The following CNTN6 variants were observed in gnomAD, a reference collection of about 807,000 sequenced individuals.
The protein encoded by CNTN6 is contactin-6.
A neutral mutation model predicts 122.8 loss-of-function variants in CNTN6; 137 were observed. The ratio of observed to expected loss-of-function variants is 1.12; its 90% CI spans 0.97 to 1.29. CNTN6 has a LOEUF of 1.29. Ranked by LOEUF, CNTN6 falls within the 50% of genes most tolerant of loss-of-function variation. CNTN6 has a pLI of 0.00. For missense variants in CNTN6, 1,634 were observed against 1,223.4 expected, an observed-to-expected ratio of 1.34 and a Z score of -5.01; for synonymous variants, 570 against 426.0, an observed-to-expected ratio of 1.34 and a Z score of -4.16.
At chr3:1,373,424 A>T (rs189303593) in intron 14 of CNTN6, among the ~76,000 whole-genome samples, 180 bp from the exon 15 acceptor site, 3 of 152,140 alleles carry the variant, frequency 2.0e-5, no homozygotes, top group Non-Finnish European at 1.5e-5. Flanking sequence ...GCACTACTAC[A>T]TTAATGTCAT....
At chr3:1,210,426 A>AAAAAGGAAG (rs56896265) in intron 2 of CNTN6, among the ~76,000 whole-genome samples, 2 of 148,476 alleles carry the variant, frequency 1.3e-5, no homozygotes, top group African/African-American at 5.1e-5. Flanking sequence ...AAAAGGAAAG[A>AAAAAGGAAG]AAAAAAAAAG....
At chr3:1,109,716 G>C (rs2125010329) in intron 1 of CNTN6, among the ~76,000 whole-genome samples, 1 of 152,062 alleles carries the variant, frequency 6.6e-6, no homozygotes, top group Non-Finnish European at 1.5e-5. Flanking sequence ...TTTTACCCAA[G>C]TTGTTGATGA....
chr3:1,254,631 A>G (rs917506743), intron 4 of CNTN6, among the ~76,000 whole-genome samples: 30 of 152,164 alleles, frequency 2.0e-4, no homozygotes, highest in Non-Finnish European at 2.5e-4. Flanking sequence ...AAGCAGTAGG[A>G]GAGGGATCAC....
intron 4 of CNTN6, among the ~76,000 whole-genome samples, chr3:1,266,576 A>ATTTTACATAGG (rs961358960): frequency 2.0e-5 from 3 of 152,106 alleles, no homozygotes; most frequent in Non-Finnish European, 4.4e-5. Flanking sequence ...GGCCTTTTGT[A>ATTTTACATAGG]TTTTACATAG....
At chr3:1,300,819 T>C (rs1277637245) in intron 7 of CNTN6, among the ~76,000 whole-genome samples, 2 of 152,002 alleles carry the variant, frequency 1.3e-5, no homozygotes, top group African/African-American at 4.8e-5. Context: ...CTCTCTCTCT[T>C]TCTTTCTCCA....
intron 11 of CNTN6, among the ~76,000 whole-genome samples, chr3:1,339,921 A>G (rs1391267758): frequency 6.6e-6 from 1 of 152,164 alleles, no homozygotes; most frequent in Non-Finnish European, 1.5e-5. Context: ...TCCTCCCCAT[A>G]TTTAACCATG....
chr3:1,129,288 A>T (rs552006943), intron 1 of CNTN6, among the ~76,000 whole-genome samples: 1 of 152,040 alleles, frequency 6.6e-6, no homozygotes, highest in African/African-American at 2.4e-5. Context: ...AGAGGGCTCC[A>T]CCTTCCCTTT....
intron 7 of CNTN6, among the ~76,000 whole-genome samples, chr3:1,304,383 C>G (rs1405559587): frequency 6.6e-6 from 1 of 152,002 alleles, no homozygotes; most frequent in East Asian, 1.9e-4. Flanking sequence ...GTGACTTAAC[C>G]AATGTAAGTT....
chr3:1,274,677 T>C (rs1402301942), intron 4 of CNTN6, among the ~76,000 whole-genome samples: 2 of 152,178 alleles, frequency 1.3e-5, no homozygotes, highest in African/African-American at 2.4e-5. Flanking sequence ...TAAAATCATC[T>C]ACCTCCAAAA....
rs150525075 is a variant in CNTN6 at position 1,376,719 on chromosome 3, CA to C, written c.2096-285del. ...TGTCACTGTCACCATCTGAATGGAACATCATTTTGCCAATTAGTAGATGATG... is the reference window on the plus strand; with the variant it reads ...TGTCACTGTCACCATCTGAATGGAACTCATTTTGCCAATTAGTAGATGATG... On this transcript the variant is annotated intron_variant, in intron 16 of 22. Coordinates refer to ENST00000446702, the MANE Select transcript of CNTN6 (RefSeq NM_001289080.2). Among the ~76,000 whole-genome samples, 650 of 152,194 alleles carry C rather than the reference CA, an allele frequency of 4.3e-3. 7 individuals carry two copies. The highest frequency in any genetic ancestry group is 0.015 in the African/African-American group (616 of 41,530).
At chr3:1,277,479 C>G (rs1692619008) in intron 4 of CNTN6, among the ~76,000 whole-genome samples, 1 of 149,314 alleles carries the variant, frequency 6.7e-6, no homozygotes, top group East Asian at 2.0e-4. Flanking sequence ...CATGCCTCAG[C>G]CTCCTGACAT....
intron 2 of CNTN6, among the ~76,000 whole-genome samples, chr3:1,197,977 A>C (rs528598404): frequency 6.6e-6 from 1 of 152,308 alleles, no homozygotes; most frequent in South Asian, 2.1e-4. Flanking sequence ...CAGTATCCAC[A>C]GGAAATCAGG....
chr3:1,176,765 A>G (rs1283135365), intron 2 of CNTN6, among the ~76,000 whole-genome samples: 5 of 152,202 alleles, frequency 3.3e-5, no homozygotes, highest in Non-Finnish European at 4.4e-5. Context: ...ATAGATACAG[A>G]CAACAATTCA....
At chr3:1,198,582 C>T (rs765837692) in intron 2 of CNTN6, among the ~76,000 whole-genome samples, 3 of 152,026 alleles carry the variant, frequency 2.0e-5, no homozygotes, top group Non-Finnish European at 4.4e-5. Context: ...ATTAGCCAGT[C>T]ATGGGGGTGC....
chr3:1,365,072 C>G lies in CNTN6; in HGVS notation c.1493-7227C>G, dbSNP rs1036062725. 3.3e-5 allele frequency among the ~76,000 whole-genome samples: 5 copies of G among 151,912 alleles called. No homozygotes were observed. In the East Asian group the frequency reaches 9.7e-4, roughly 29 times the overall value. ...TCTGTATGTAAATATTCACTCTCCC[C>G]CAACATGTTCTTCCTTTTATTATTG... On this transcript the variant is annotated intron_variant, in intron 12 of 22. Coordinates refer to ENST00000446702, the MANE Select transcript of CNTN6 (RefSeq NM_001289080.2).
rs1559981670 is a variant in CNTN6 at position 1,383,033 on chromosome 3, T to TATC, written c.2258_2259insATC (p.Ser755dup). On this transcript the variant is annotated inframe_insertion, in exon 18 of 23. Coordinates refer to ENST00000446702, the MANE Select transcript of CNTN6 (RefSeq NM_001289080.2). ...TCGACAACCTGGTCCAAGGAGAAAG[T>TATC]GTCATCTGTGGAATCATCAAGGTTT... 7 of 1,613,946 alleles carry TATC rather than the reference T, an allele frequency of 4.3e-6. No homozygotes were observed. In the Admixed American group the frequency reaches 6.7e-5, roughly 15 times the overall value.
intron 11 of CNTN6, among the ~76,000 whole-genome samples, chr3:1,343,802 G>T (rs532651160): frequency 6.6e-6 from 1 of 152,062 alleles, no homozygotes; most frequent in African/African-American, 2.4e-5. Flanking sequence ...TATAAAGTTG[G>T]CATAGAAATC....
intron 20 of CNTN6, among the ~76,000 whole-genome samples, chr3:1,389,082 G>A (rs1414545200): frequency 3.5e-4 from 51 of 145,388 alleles, no homozygotes; most frequent in African/African-American, 1.0e-3. Flanking sequence ...GATACTCCTC[G>A]AGAAGAGCAA....
chr3:1,321,737 A>C lies in CNTN6; in HGVS notation c.849A>C (p.Glu283Asp). ...ACAGCAAATCCCAAGCTATCCTTGAAATCCCGAACTTCCAACAAGAAGATG... is the reference window on the plus strand; with the variant it reads ...ACAGCAAATCCCAAGCTATCCTTGACATCCCGAACTTCCAACAAGAAGATG... ...VKYSKSQAIL[E>D]IPNFQQEDEG... The change falls in exon 8 of 23, where the codon GAA (glutamate) becomes GAC (aspartate). Residue 283 changes from glutamate (E) to aspartate (D), a missense_variant. By Grantham distance (45) the Glu-to-Asp change is conservative. Transcript: ENST00000446702. 1 of 1,611,958 alleles carries C rather than the reference A, an allele frequency of 6.2e-7. No homozygotes were observed. Among genetic ancestry groups the C allele is most frequent in the Non-Finnish European group, 8.5e-7 (1 of 1,178,676 alleles).
Sources: gnomAD v4.1 joint callset for allele counts (sites outside exome capture counted in the v4.1 genomes callset) on GRCh38, gnomAD v4.1.1 for gene constraint, MANE v1.5 for transcripts, NCBI Gene and HGNC (gene_info 2026-07-23, HGNC 2026-07-21) for gene names.